Variants in OR51I2 observed in about 807,000 individuals in gnomAD.
OR51I2 encodes olfactory receptor family 51 subfamily I member 2, also known as olfactory receptor 51I2.
Under a neutral mutation model 9.3 loss-of-function variants are expected in OR51I2, and 6 were observed. The ratio of observed to expected loss-of-function variants is 0.64; its 90% CI spans 0.35 to 1.27. The LOEUF (loss-of-function observed/expected upper bound fraction) is 1.27. Among genes scored for constraint, OR51I2 ranks in the 50% most tolerant of loss-of-function variants. OR51I2 has a pLI of 0.03. For missense variants in OR51I2, 489 were observed against 396.4 expected, an observed-to-expected ratio of 1.23 and a Z score of -1.98; for synonymous variants, 179 against 143.1, an observed-to-expected ratio of 1.25 and a Z score of -1.79.
At chr11:5,451,308 C>G (rs1384642180) in intron 1 of OR51I2, among the ~76,000 whole-genome samples, 1 of 152,224 alleles carries the variant, frequency 6.6e-6, no homozygotes, top group Admixed American at 6.5e-5. Context: ...CAAAATCCTG[C>G]TTTCAGCCTG....
rs1044082858 is a variant in OR51I2, at chr11:5,454,050, G to T, written c.562G>T (p.Ala188Ser). 4 of 1,614,104 alleles carry T rather than the reference G, an allele frequency of 2.5e-6. No individual in the cohort carries two copies. Among genetic ancestry groups the T allele is most frequent in the Middle Eastern group, 1.6e-4 (1 of 6,062 alleles). The change falls in exon 2 of 2, where the codon GCC becomes TCC. Residue 188 changes from alanine to serine, a missense_variant. Physicochemically the swap from Ala to Ser is moderately conservative, Grantham distance 99. Transcript: ENST00000641930. ...YCLHPDMMRL[A>S]CADISINSIY... ...CCTGCACCCAGACATGATGAGGCTT[G>T]CCTGTGCTGATATCAGTATCAACAG...
Position 5,453,901 on chromosome 11 carries a change from C to T in OR51I2, c.413C>T (p.Thr138Ile). Residue 138 changes from threonine (T) to isoleucine (I), a missense_variant, in exon 2 of 2, where the codon ACT (threonine) becomes ATT (isoleucine). Transcript: ENST00000641930. ...TTGCGCTATGCAACTGTGCTCACCA[C>T]TGAAGTCATTGCTGCAATGGGTTTA... is the stretch of plus-strand genomic sequence containing the variant. ...DPLRYATVLT[T>I]EVIAAMGLGA... 1 of 1,614,232 alleles carries T rather than the reference C, an allele frequency of 6.2e-7. No homozygotes were observed. Among genetic ancestry groups the T allele is most frequent in the South Asian group, 1.1e-5 (1 of 91,086 alleles).
In OR51I2 at chr11:5,454,082, T is replaced by TGGACTCTTTGTTCTTGTATCCAC; in HGVS notation, c.595_617dup (p.Phe207AspfsTer57). ...CTGATATCAGTATCAACAGCATCTA[T>TGGACTCTTTGTTCTTGTATCCAC]GGACTCTTTGTTCTTGTATCCACCT... On this transcript the variant is annotated frameshift_variant, in exon 2 of 2. Transcript: ENST00000641930. LOFTEE classifies it high-confidence loss of function. The TGGACTCTTTGTTCTTGTATCCAC allele has an allele frequency of 1.2e-6, 2 of 1,614,220 alleles. No homozygotes were observed. The highest frequency in any genetic ancestry group is 1.7e-6 in the Non-Finnish European group (2 of 1,180,038).
Position 5,453,664 on chromosome 11 carries a change from T to C in OR51I2, c.176T>C (p.Met59Thr), listed in dbSNP as rs74049540. The C allele has an allele frequency of 9.3e-3, 15,081 of 1,613,466 alleles. 1,217 individuals are homozygous for C. In the African/African-American group the frequency reaches 0.17, roughly 19 times the overall value. Residue 59 changes from methionine (M) to threonine (T), a missense_variant, in exon 2 of 2, where the codon ATG becomes ACG. Met to Thr is a moderately conservative substitution (Grantham distance 81). Transcript: ENST00000641930. ...GTGGAGCCCAGCCTCCATGAGCCCA[T>C]GTACTACTTCCTGTCCATGTTGTCC... ...VRVEPSLHEP[M>T]YYFLSMLSFS...
intron 1 of OR51I2, among the ~76,000 whole-genome samples, chr11:5,450,426 T>C (rs979037875): frequency 6.6e-6 from 1 of 152,060 alleles, no homozygotes; most frequent in Non-Finnish European, 1.5e-5. Context: ...TGAATAAAAA[T>C]AAGACATAGG....
Position 5,453,385 on chromosome 11 carries a change from T to G in OR51I2, c.-104T>G. The G allele has an allele frequency of 1.3e-6, 1 of 769,498 alleles. No individual in the cohort carries two copies. The highest frequency in any genetic ancestry group is 2.0e-6 in the Non-Finnish European group (1 of 504,114). The allele number at this position is 769,498 out of a possible 1,614,324, so 47.7% of individuals were successfully genotyped here. On this transcript the variant is annotated 5_prime_UTR_variant, in exon 2 of 2. Transcript: ENST00000641930. The stretch of plus-strand genomic sequence containing the variant: ...TTTCCATTTATGTCAACATCATCGC[T>G]TTGTCTCTTATCTCCTGATTTCTTG...
At chr11:5,452,589 T>TAAGAGATATGG (rs1554893303) in intron 1 of OR51I2, among the ~76,000 whole-genome samples, 5 of 78,244 alleles carry the variant, frequency 6.4e-5, no homozygotes, top group Admixed American at 1.3e-4. Flanking sequence ...AGAGCGACTT[T>TAAGAGATATGG]ACGAGATATG....
rs2133789516 is a variant in OR51I2, at chr11:5,455,587, G to GAGAAAGAGAAAAAGAAAA, written c.*1163_*1164insAAGAGAAAAAGAAAAAGA. 1 of 146,934 alleles carries GAGAAAGAGAAAAAGAAAA rather than the reference G, an allele frequency of 6.8e-6. No homozygotes were observed. Among genetic ancestry groups the GAGAAAGAGAAAAAGAAAA allele is most frequent in the African/African-American group, 2.6e-5 (1 of 37,858 alleles). The allele number at this position is 146,934 out of a possible 1,614,324, so 9.1% of individuals were successfully genotyped here. On this transcript the variant is annotated 3_prime_UTR_variant, in exon 2 of 2. Coordinates refer to ENST00000641930, the MANE Select transcript of OR51I2 (RefSeq NM_001004754.3). ...GGGGAGAGAGAGAGAGAAAGAGAAA[G>GAGAAAGAGAAAAAGAAAA]AGAGAAAGAGAAAAAGAGAAAGAGA... is the stretch of plus-strand genomic sequence containing the variant.
rs1258701620 is a variant in OR51I2 at position 5,451,635 on chromosome 11, G to T, written c.-230-1624G>T. Among the ~76,000 whole-genome samples the T allele has an allele frequency of 2.0e-5, 3 of 152,306 alleles. No individual in the cohort carries two copies. In the East Asian group the frequency reaches 5.8e-4, roughly 29 times the overall value. On this transcript the variant is annotated intron_variant, in intron 1 of 1. Coordinates refer to ENST00000641930, the MANE Select transcript of OR51I2 (RefSeq NM_001004754.3). ...TAAAAATGCTTCCTGGGGTGACAAT[G>T]CTTCATTGCACCCCATTCCACAACC... is the stretch of plus-strand genomic sequence containing the variant.
chr11:5,456,418 C>G lies in OR51I2; in HGVS notation c.*1991C>G, dbSNP rs1850959713. On this transcript the variant is annotated 3_prime_UTR_variant, in exon 2 of 2. Transcript: ENST00000641930. ...GTAGGGCCACTCCTGCAGCTCTAAT[C>G]CTAAAAAGGTCTAAGCTAAGCCCTG... The G allele has an allele frequency of 6.6e-6, 1 of 152,122 alleles. No homozygotes were observed. The highest frequency in any genetic ancestry group is 2.4e-5 in the African/African-American group (1 of 41,434). The allele number at this position is 152,122 out of a possible 1,614,324, so 9.4% of individuals were successfully genotyped here.
At chr11:5,450,110 C>T (rs1850821034) in intron 1 of OR51I2, among the ~76,000 whole-genome samples, 1 of 152,090 alleles carries the variant, frequency 6.6e-6, no homozygotes, top group African/African-American at 2.4e-5. Flanking sequence ...AGACATACAC[C>T]AGGCGTGGTG....
rs1850867873 is a variant in OR51I2, at chr11:5,452,450, A to G, written c.-230-809A>G. On this transcript the variant is annotated intron_variant, in intron 1 of 1. Transcript: ENST00000641930. ...GAACCCGGGAGGTGGAGTTGCAGTG[A>G]GCCGAGATTGCACCACTGCACTCCA... Among the ~76,000 whole-genome samples, 5 of 134,734 alleles carry G rather than the reference A, an allele frequency of 3.7e-5. No homozygotes were observed. The South Asian group carries it at 1.3e-3, about 35-fold the overall frequency. The allele number at this position is 134,734 out of a possible 152,430, so 88.4% of individuals were successfully genotyped here.
rs1850901814 is a variant in OR51I2, at chr11:5,453,878, G to A, written c.390G>A (p.Leu130=). Residue 130 remains leucine (L), a synonymous_variant, in exon 2 of 2, where the codon TTG becomes TTA. Transcript: ENST00000641930. ...FDRYVAICDP[L]RYATVLTTEV... ...GCTATGTGGCCATTTGTGACCCCTT[G>A]CGCTATGCAACTGTGCTCACCACTG... The A allele has an allele frequency of 6.2e-7, 1 of 1,614,044 alleles. No individual in the cohort carries two copies. The highest frequency in any genetic ancestry group is 1.3e-5 in the African/African-American group (1 of 74,912).
chr11:5,450,615 G>A (rs970479414), intron 1 of OR51I2, among the ~76,000 whole-genome samples: 1 of 152,124 alleles, frequency 6.6e-6, no homozygotes, highest in Non-Finnish European at 1.5e-5. Context: ...CTTGGAGACA[G>A]GTACTTTTGT....
rs1850953860 is a variant in OR51I2 at position 5,456,028 on chromosome 11, A to T, written c.*1601A>T. ...TCATATTAGAAGCTCCTATTTCAAC[A>T]TGAAATAATAATTTTAATGCTTTGA... On this transcript the variant is annotated 3_prime_UTR_variant, in exon 2 of 2. Coordinates refer to ENST00000641930, the MANE Select transcript of OR51I2 (RefSeq NM_001004754.3). The T allele has an allele frequency of 6.6e-6, 1 of 152,212 alleles. No homozygotes were observed. The highest frequency in any genetic ancestry group is 6.5e-5 in the Admixed American group (1 of 15,282). 9.4% of individuals were successfully genotyped at this position (152,212 alleles called of 1,614,324 possible).
At chr11:5,451,719 A>G (rs112347574) in intron 1 of OR51I2, among the ~76,000 whole-genome samples, 1,732 of 152,284 alleles carry the variant, frequency 0.011, 34 homozygotes, top group African/African-American at 0.039. Flanking sequence ...CATTCCCATC[A>G]GAAAGAACTC....
Position 5,454,389 on chromosome 11 carries a change from C to G in OR51I2, c.901C>G (p.Arg301Gly). The change falls in exon 2 of 2, where the codon CGA becomes GGA. Residue 301 changes from arginine to glycine, a missense_variant. Transcript: ENST00000641930. ...IYSAKTKEIR[R>G]AIFRMFHHIK... ...TAGCGCCAAGACAAAGGAAATCCGC[C>G]GAGCCATTTTCCGCATGTTTCACCA... is the stretch of plus-strand genomic sequence containing the variant. 3 of 1,610,454 alleles carry G rather than the reference C, an allele frequency of 1.9e-6. No homozygotes were observed. The highest frequency in any genetic ancestry group is 1.7e-6 in the Non-Finnish European group (2 of 1,179,782).
Position 5,456,423 on chromosome 11 carries a change from A to G in OR51I2, c.*1996A>G, listed in dbSNP as rs187601634. On this transcript the variant is annotated 3_prime_UTR_variant, in exon 2 of 2. Coordinates refer to ENST00000641930, the MANE Select transcript of OR51I2 (RefSeq NM_001004754.3). ...GCCACTCCTGCAGCTCTAATCCTAA[A>G]AAGGTCTAAGCTAAGCCCTGTTTTT... 1 of 152,288 alleles carries G rather than the reference A, an allele frequency of 6.6e-6. No individual in the cohort carries two copies. The highest frequency in any genetic ancestry group is 2.4e-5 in the African/African-American group (1 of 41,556). 9.4% of individuals were successfully genotyped at this position (152,288 alleles called of 1,614,324 possible).
rs374408838 is a variant in OR51I2, at chr11:5,454,293, C to T, written c.805C>T (p.Pro269Ser). The change falls in exon 2 of 2, where the codon CCA becomes TCA. Residue 269 changes from proline to serine, a missense_variant. Coordinates refer to ENST00000641930, the MANE Select transcript of OR51I2 (RefSeq NM_001004754.3). ...STVHRFGKHV[P>S]CYIHVLMSNV... ...AGTGCACCGCTTTGGGAAGCATGTC[C>T]CATGCTACATACATGTCCTCATGTC... 2 of 1,613,938 alleles carry T rather than the reference C, an allele frequency of 1.2e-6. No individual in the cohort carries two copies. Among genetic ancestry groups the T allele is most frequent in the African/African-American group, 2.7e-5 (2 of 74,906 alleles).
Sources: gnomAD v4.1 joint callset for allele counts (sites outside exome capture counted in the v4.1 genomes callset) on GRCh38, gnomAD v4.1.1 for gene constraint, MANE v1.5 for transcripts, NCBI Gene and HGNC (gene_info 2026-07-23, HGNC 2026-07-21) for gene names.